Variants in CENPC observed in about 807,000 individuals in gnomAD.
The protein encoded by CENPC is CENP-C 1.
Under a neutral mutation model 112.1 loss-of-function variants are expected in CENPC, and 63 were observed. The observed-to-expected ratio is 0.56, with a 90% CI of 0.46 to 0.69. CENPC has a LOEUF of 0.69. Among genes scored for constraint, CENPC ranks in the 30% least tolerant of loss-of-function variants. The pLI, the probability that CENPC is intolerant of heterozygous loss-of-function variation, is 0.00. For synonymous variants in CENPC, 333 were observed against 367.6 expected (o/e 0.91, Z 1.08); for missense variants, 1,000 against 1,103.8 (o/e 0.91, Z 1.33).
At chr4:67,539,357 T>G (rs1197891567) in intron 4 of CENPC, among the ~76,000 whole-genome samples, 1 of 152,198 alleles carries the variant, frequency 6.6e-6, no homozygotes, top group Non-Finnish European at 1.5e-5. Context: ...TTTTGAATAA[T>G]TTGCCTTAGA....
At chr4:67,491,525 A>AGCGCGAGC (rs1553893259) in intron 16 of CENPC, among the ~76,000 whole-genome samples, 19 of 130,080 alleles carry the variant, frequency 1.5e-4, no homozygotes, top group African/African-American at 5.2e-4. Context: ...AGAGAGAGAG[A>AGCGCGAGC]GAGCCTGGTT....
intron 10 of CENPC, among the ~76,000 whole-genome samples, chr4:67,507,233 A>G (rs1725761401): frequency 6.6e-6 from 1 of 151,026 alleles, no homozygotes; most frequent in African/African-American, 2.4e-5. Context: ...TATTACAGTT[A>G]ATCTATCATG....
chr4:67,502,488 C>G lies in CENPC; in HGVS notation c.2131+2717G>C, dbSNP rs1243571056. 2.0e-5 allele frequency among the ~76,000 whole-genome samples: 3 copies of G among 152,050 alleles called. No homozygotes were observed. In the East Asian group the frequency reaches 5.8e-4, roughly 29 times the overall value. On this transcript the variant is annotated intron_variant, in intron 12 of 18. Transcript: ENST00000273853. ...ACAAAGTAAAAAGCATTTAACACAA[C>G]GAAGCAGATAAATTTGACCAAAGCA...
At chr4:67,537,027 TAAA>T (rs74550952) in intron 4 of CENPC, among the ~76,000 whole-genome samples, 3 of 97,190 alleles carry the variant, frequency 3.1e-5, no homozygotes, top group East Asian at 2.8e-4. Flanking sequence ...TACCTCTAAT[TAAA>T]AAAAAAAAAA....
At chr4:67,520,832 C>T (rs551893546) in intron 5 of CENPC, among the ~76,000 whole-genome samples, 4 of 151,850 alleles carry the variant, frequency 2.6e-5, no homozygotes, top group African/African-American at 4.8e-5. Flanking sequence ...GCCAACATGG[C>T]GAAACCCCAT....
At chr4:67,482,370 C>T (rs1237884006) in intron 17 of CENPC, among the ~76,000 whole-genome samples, 1 of 152,160 alleles carries the variant, frequency 6.6e-6, no homozygotes, top group Non-Finnish European at 1.5e-5. Context: ...AGTAGATCTA[C>T]CATTTGATCC....
chr4:67,544,198 G>T lies in CENPC; in HGVS notation c.19-3C>A, dbSNP rs773909477. 1.0e-5 allele frequency: 16 copies of T among 1,536,292 alleles called. No homozygotes were observed. The highest frequency in any genetic ancestry group is 1.3e-5 in the Non-Finnish European group (14 of 1,111,524). ...CTGTAGCCATTTTTGAGATGATCCT[G>T]AAAGAAAAGTAAATCATCAATTTGG... On this transcript the variant is annotated splice_region_variant and splice_polypyrimidine_tract_variant and intron_variant, in intron 1 of 18. Coordinates refer to ENST00000273853, the MANE Select transcript of CENPC (RefSeq NM_001812.4).
intron 4 of CENPC, 43 bp from the exon 5 acceptor site, chr4:67,530,957 T>C: frequency 1.0e-6 from 1 of 970,008 alleles, no homozygotes; most frequent in Non-Finnish European, 1.5e-6. Context: ...TTTTATTAAC[T>C]TACCAATTCA....
intron 17 of CENPC, among the ~76,000 whole-genome samples, chr4:67,480,033 G>A (rs1724910179): frequency 6.6e-6 from 1 of 152,100 alleles, no homozygotes; most frequent in South Asian, 2.1e-4. Context: ...AACAAAAAAA[G>A]TCCAGGCCGG....
At chr4:67,519,559 G>A in intron 5 of CENPC, 57 bp from the exon 6 acceptor site, 1 of 1,177,850 alleles carries the variant, frequency 8.5e-7, no homozygotes, top group Non-Finnish European at 1.1e-6. Context: ...AGAGAATCAA[G>A]CAGGCTTTTT....
intron 12 of CENPC, chr4:67,504,949 T>C: frequency 2.2e-6 from 1 of 452,230 alleles, no homozygotes; most frequent in Non-Finnish European, 3.9e-6. Context: ...TATACCCTTA[T>C]TAGCTTAACA....
At position 67,519,445 on chromosome 4, in the gene CENPC, G is replaced by C. The variant is rs368389423; in HGVS notation, c.389C>G (p.Thr130Arg). The C allele has an allele frequency of 2.5e-6, 4 of 1,607,666 alleles. No homozygotes were observed. The highest frequency in any genetic ancestry group is 3.4e-6 in the Non-Finnish European group (4 of 1,175,902). The change falls in exon 6 of 19, where the codon ACA becomes AGA. Residue 130 changes from threonine to arginine, a missense_variant. Transcript: ENST00000273853. ...ILATDVSSKN[T>R]PDSKKISSRN... ...ACTTGATATTTTTTTCGAGTCAGGT[G>C]TATTTTTGGAACTAACATCAGTTGC...
chr4:67,478,314 C>G (rs1724861722), intron 17 of CENPC, among the ~76,000 whole-genome samples: 1 of 152,006 alleles, frequency 6.6e-6, no homozygotes, highest in Admixed American at 6.6e-5. Context: ...ATCAGGCAAC[C>G]TATTTAAAAA....
chr4:67,495,165 T>G lies in CENPC; in HGVS notation c.2179A>C (p.Lys727Gln). The G allele has an allele frequency of 6.6e-7, 1 of 1,524,622 alleles. No homozygotes were observed. Among genetic ancestry groups the G allele is most frequent in the Non-Finnish European group, 8.8e-7 (1 of 1,138,372 alleles). The allele number at this position is 1,524,622 out of a possible 1,614,324, so 94.4% of individuals were successfully genotyped here. A position where few individuals can be genotyped will look rare whatever the true frequency, so the allele number is the denominator to read the frequency against. Reference sequence around the variant, plus strand: ...AAAAGAAAAATATTCTTACCTAGTTTGTGATGGATTCTGTTCTTTGGTATC... The same window carrying G: ...AAAAGAAAAATATTCTTACCTAGTTGGTGATGGATTCTGTTCTTTGGTATC... ...KVIPKNRIHH[K>Q]LVLPSNTPNV... Residue 727 changes from lysine to glutamine, a missense_variant, in exon 13 of 19, where the codon AAA (lysine) becomes CAA (glutamine). Lys to Gln is a moderately conservative substitution (Grantham distance 53, BLOSUM62 1). Transcript: ENST00000273853.
chr4:67,489,555 G>C (rs1217181547), intron 17 of CENPC, among the ~76,000 whole-genome samples: 4 of 151,936 alleles, frequency 2.6e-5, no homozygotes, highest in African/African-American at 9.7e-5. Context: ...TGTATGCAAT[G>C]CATAATGATC....
rs1577986630 is a variant in CENPC at position 67,505,065 on chromosome 4, T to C, written c.2131+140A>G. 4.7e-6 allele frequency: 3 copies of C among 638,100 alleles called. No homozygotes were observed. In the East Asian group the frequency reaches 8.7e-5, roughly 19 times the overall value. 39.5% of individuals were successfully genotyped at this position (638,100 alleles called of 1,614,324 possible). A position where few individuals can be genotyped will look rare whatever the true frequency, so the allele number is the denominator to read the frequency against. ...TGTCTCACTTAGGTACAGGGTCTTATTAATCTCTAACTAAGGGTCTTAAGA... is the reference window on the plus strand; with the variant it reads ...TGTCTCACTTAGGTACAGGGTCTTACTAATCTCTAACTAAGGGTCTTAAGA... On this transcript the variant is annotated intron_variant, in intron 12 of 18. Coordinates refer to ENST00000273853, the MANE Select transcript of CENPC (RefSeq NM_001812.4).
At chr4:67,518,921 C>T (rs1297948503) in intron 6 of CENPC, among the ~76,000 whole-genome samples, 1 of 152,090 alleles carries the variant, frequency 6.6e-6, no homozygotes, top group East Asian at 1.9e-4. Context: ...CTTGCAATTA[C>T]AAAAAATATT....
chr4:67,509,970 C>T (rs1274004616), intron 9 of CENPC, among the ~76,000 whole-genome samples: 1 of 152,088 alleles, frequency 6.6e-6, no homozygotes, highest in Non-Finnish European at 1.5e-5. Context: ...TTTCATAAAC[C>T]ACAATTCCCA....
chr4:67,541,134 T>A, intron 2 of CENPC, 84 bp from the exon 3 acceptor site: 2 of 821,374 alleles, frequency 2.4e-6, no homozygotes, highest in South Asian at 1.8e-5. Context: ...CATCTCATTA[T>A]AAAATATAAA....
Sources: gnomAD v4.1 joint callset for allele counts (sites outside exome capture counted in the v4.1 genomes callset) on GRCh38, gnomAD v4.1.1 for gene constraint, MANE v1.5 for transcripts, NCBI Gene and HGNC (gene_info 2026-07-23, HGNC 2026-07-21) for gene names.